The following WDR27 variants were observed in gnomAD, a reference collection of about 807,000 sequenced individuals.
WDR27 encodes WD repeat domain 27, also known as WD repeat-containing protein 27.
A neutral mutation model predicts 114.4 loss-of-function variants in WDR27; 100 were observed. The observed-to-expected ratio is 0.87, with a 90% CI of 0.74 to 1.03. The LOEUF is 1.03. Among genes scored for constraint, WDR27 ranks in the 50% least tolerant of loss-of-function variants. WDR27 has a pLI of 0.00. For synonymous variants in WDR27, 449 were observed against 423.1 expected, an observed-to-expected ratio of 1.06 and a Z score of -0.75; for missense variants, 1,129 against 1,092.9, an observed-to-expected ratio of 1.03 and a Z score of -0.47.
chr6:169,439,547 C>T, the WDR27 span, among the ~76,000 whole-genome samples: 1 of 152,162 alleles, frequency 6.6e-6, no homozygotes, highest in Admixed American at 6.5e-5. Flanking sequence ...CATAAAACTG[C>T]TAACCAAGAT....
chr6:169,463,149 C>A (rs1287450613), intron 25 of WDR27, among the ~76,000 whole-genome samples: 1 of 152,146 alleles, frequency 6.6e-6, no homozygotes, highest in African/African-American at 2.4e-5. Context: ...GTTTCCATTT[C>A]TAAGATGGCA....
intron 2 of WDR27, among the ~76,000 whole-genome samples, chr6:169,685,748 T>G (rs1782758328): frequency 6.6e-6 from 1 of 152,218 alleles, no homozygotes; most frequent in Admixed American, 6.5e-5. Flanking sequence ...ATGGGCATTC[T>G]AGCAGAAGAA....
chr6:169,459,995 C>T (rs1784728321), intron 25 of WDR27, among the ~76,000 whole-genome samples: 1 of 152,016 alleles, frequency 6.6e-6, no homozygotes, highest in African/African-American at 2.4e-5. Context: ...GGACCCTAGA[C>T]AGGAATTTGA....
chr6:169,577,675 C>T (rs1251475155), intron 24 of WDR27, among the ~76,000 whole-genome samples: 2 of 152,204 alleles, frequency 1.3e-5, no homozygotes, highest in South Asian at 2.1e-4. Flanking sequence ...GAACTGCAGT[C>T]GGGAAACCGG....
At chr6:169,576,326 T>G (rs1335908305) in intron 24 of WDR27, among the ~76,000 whole-genome samples, 5 of 152,224 alleles carry the variant, frequency 3.3e-5, no homozygotes, top group Non-Finnish European at 7.3e-5. Context: ...TGGTGGGACT[T>G]CACCAGTCGG....
At chr6:169,682,683 G>C (rs1291504199) in intron 2 of WDR27, among the ~76,000 whole-genome samples, 2 of 152,158 alleles carry the variant, frequency 1.3e-5, no homozygotes, top group South Asian at 4.1e-4. Flanking sequence ...ATGTCCACAA[G>C]CATCAGCAAT....
rs201477912 is a variant in WDR27, at chr6:169,606,919, C to T, written c.2322-4598G>A. ...CTTCCACAATGGTTGAACTAATGTA[C>T]GTTCCCACCAACAGTATAAAAGCCT... On this transcript the variant is annotated intron_variant, in intron 22 of 25. Transcript: ENST00000448612. Among the ~76,000 whole-genome samples, 9 of 152,178 alleles carry T rather than the reference C, an allele frequency of 5.9e-5. No individual in the cohort carries two copies. In the East Asian group the frequency reaches 1.4e-3, roughly 23 times the overall value.
At chr6:169,632,533 A>G (rs1816681381) in intron 21 of WDR27, among the ~76,000 whole-genome samples, 1 of 152,088 alleles carries the variant, frequency 6.6e-6, no homozygotes, top group South Asian at 2.1e-4. Flanking sequence ...ATATTTGTAA[A>G]CTTTGTCTCT....
intron 13 of WDR27, among the ~76,000 whole-genome samples, chr6:169,656,386 G>C (rs116222658): frequency 6.6e-6 from 1 of 152,136 alleles, no homozygotes; most frequent in African/African-American, 2.4e-5. Flanking sequence ...CTTTGGTTTG[G>C]AGGTTGGGTT....
At chr6:169,613,520 C>T (rs1448311369) in intron 22 of WDR27, 39 bp downstream of exon 22, 13 of 1,526,574 alleles carry the variant, frequency 8.5e-6, no homozygotes, top group Non-Finnish European at 1.2e-5. Context: ...ATCTCTTGAG[C>T]TCCCCACCCC....
rs546926715 is a variant in WDR27 at position 169,575,449 on chromosome 6, G to C, written c.2524-2909C>G. ...CCACCCACCATCACCTACTGATTCCGTTTCTCTGCAAACGTGTTTCTGTAA... is the reference window on the plus strand; with the variant it reads ...CCACCCACCATCACCTACTGATTCCCTTTCTCTGCAAACGTGTTTCTGTAA... On this transcript the variant is annotated intron_variant, in intron 24 of 25. Coordinates refer to ENST00000448612, the MANE Select transcript of WDR27 (RefSeq NM_182552.5). 7.3e-5 allele frequency among the ~76,000 whole-genome samples: 11 copies of C among 150,144 alleles called. No individual in the cohort carries two copies. In the South Asian group the frequency reaches 2.1e-3, roughly 29 times the overall value.
At chr6:169,622,069 C>T (rs1372229911) in intron 21 of WDR27, among the ~76,000 whole-genome samples, 7 of 152,216 alleles carry the variant, frequency 4.6e-5, no homozygotes, top group Non-Finnish European at 8.8e-5. Context: ...TGACTGCCCC[C>T]TTTGGAAAGA....
chr6:169,654,922 G>A (rs902227912), intron 13 of WDR27, among the ~76,000 whole-genome samples: 1 of 152,192 alleles, frequency 6.6e-6, no homozygotes, highest in Non-Finnish European at 1.5e-5. Flanking sequence ...TAGTGACAGT[G>A]CGGGATCATC....
chr6:169,576,716 G>A (rs1802401464), intron 24 of WDR27, among the ~76,000 whole-genome samples: 1 of 150,324 alleles, frequency 6.7e-6, no homozygotes, highest in African/African-American at 2.5e-5. Context: ...GCACTGAGCT[G>A]TGATTGCATC....
At chr6:169,447,100 A>G in the WDR27 span, among the ~76,000 whole-genome samples, 1 of 152,254 alleles carries the variant, frequency 6.6e-6, no homozygotes, top group Non-Finnish European at 1.5e-5. Flanking sequence ...CAAAGTCACA[A>G]TAAAATTTTT....
chr6:169,513,636 T>TTACTTATAAACAATGTGTTTATTTATAAG (rs1793201235), intron 25 of WDR27, among the ~76,000 whole-genome samples: 1 of 113,976 alleles, frequency 8.8e-6, no homozygotes, highest in African/African-American at 4.0e-5. Context: ...TATGCAGTAA[T>TTACTTATAAACAATGTGTTTATTTATAAG]TACTTATAAA....
At chr6:169,532,684 G>A (rs540026916) in intron 25 of WDR27, among the ~76,000 whole-genome samples, 15 of 152,262 alleles carry the variant, frequency 9.9e-5, no homozygotes, top group Non-Finnish European at 1.5e-4. Context: ...TGACATAGGT[G>A]TATTTGTCAA....
At chr6:169,609,060 G>A (rs1460248558) in intron 22 of WDR27, among the ~76,000 whole-genome samples, 2 of 152,204 alleles carry the variant, frequency 1.3e-5, no homozygotes, top group Admixed American at 6.5e-5. Flanking sequence ...TCACATCCAG[G>A]TCACACTGAT....
At chr6:169,594,398 G>A (rs1330776923) in intron 23 of WDR27, among the ~76,000 whole-genome samples, 1 of 152,084 alleles carries the variant, frequency 6.6e-6, no homozygotes, top group African/African-American at 2.4e-5. Flanking sequence ...TTCCTTGCTG[G>A]CAGACAAACA....
Sources: gnomAD v4.1 joint callset for allele counts (sites outside exome capture counted in the v4.1 genomes callset) on GRCh38, gnomAD v4.1.1 for gene constraint, MANE v1.5 for transcripts, NCBI Gene and HGNC (gene_info 2026-07-23, HGNC 2026-07-21) for gene names.